NT5E: variants seen among roughly 807,000 people sequenced by gnomAD.
NT5E encodes the protein 5'-nucleotidase.
A neutral mutation model predicts 55.1 loss-of-function variants in NT5E; 53 were observed. The observed-to-expected ratio is 0.96, with a 90% CI of 0.77 to 1.21. The LOEUF (loss-of-function observed/expected upper bound fraction) is 1.21. Among genes scored for constraint, NT5E ranks in the 50% most tolerant of loss-of-function variants. NT5E has a pLI of 0.00. For synonymous variants in NT5E, 270 were observed against 278.4 expected, an observed-to-expected ratio of 0.97 and a Z score of 0.30; for missense variants, 683 against 724.3, an observed-to-expected ratio of 0.94 and a Z score of 0.65.
chr6:85,451,417 A>T (rs1768854912), intron 1 of NT5E, among the ~76,000 whole-genome samples: 1 of 152,184 alleles, frequency 6.6e-6, no homozygotes. Context: ...GTTAAAGGTA[A>T]TGCCTTTTCT....
intron 1 of NT5E, among the ~76,000 whole-genome samples, chr6:85,463,321 T>C (rs1769129482): frequency 6.6e-6 from 1 of 152,172 alleles, no homozygotes; most frequent in Non-Finnish European, 1.5e-5. Context: ...GGTTCGTGAA[T>C]GAATGAGCTC....
chr6:85,485,395 T>C lies in NT5E; in HGVS notation c.912T>C (p.His304=). The C allele has an allele frequency of 6.2e-7, 1 of 1,614,232 alleles. No individual in the cohort carries two copies. The highest frequency in any genetic ancestry group is 1.1e-5 in the South Asian group (1 of 91,088). ...FDERGNVISS[H]GNPILLNSSI... is the part of the protein sequence containing the mutation. Reference sequence around the variant, plus strand: ...AAAGAGGAAACGTCATCTCTTCCCATGGAAATCCCATTCTTCTAAACAGCA... The same window carrying C: ...AAAGAGGAAACGTCATCTCTTCCCACGGAAATCCCATTCTTCTAAACAGCA... The change falls in exon 4 of 9, where the codon CAT becomes CAC. Residue 304 remains histidine, a synonymous_variant. Transcript: ENST00000257770.
intron 3 of NT5E, among the ~76,000 whole-genome samples, chr6:85,477,260 AGG>A (rs1769457521): frequency 6.6e-6 from 1 of 151,150 alleles, no homozygotes; most frequent in Non-Finnish European, 1.5e-5. Context: ...CATGGAAGGC[AGG>A]TGTCTGGTAT....
Position 85,476,775 on chromosome 6 carries a change from G to C in NT5E, c.751+5350G>C, listed in dbSNP as rs576281076. On this transcript the variant is annotated intron_variant, in intron 3 of 8. Transcript: ENST00000257770. Reference sequence around the variant, plus strand: ...CATCCCCAGCTGAACTCTTCTCCGAGGTCCTACCGTCAAGCCATCCCTCTG... The same window carrying C: ...CATCCCCAGCTGAACTCTTCTCCGACGTCCTACCGTCAAGCCATCCCTCTG... 2.6e-3 allele frequency among the ~76,000 whole-genome samples: 396 copies of C among 152,266 alleles called. 2 individuals are homozygous for C. The highest frequency in any genetic ancestry group is 8.0e-3 in the African/African-American group (334 of 41,546).
chr6:85,465,409 G>A (rs2127756222), intron 1 of NT5E, among the ~76,000 whole-genome samples: 1 of 152,202 alleles, frequency 6.6e-6, no homozygotes, highest in Non-Finnish European at 1.5e-5. Context: ...CTATAACAAG[G>A]GAGACTTATT....
In NT5E at chr6:85,492,104, C is replaced by T. The variant is rs1264749115; in HGVS notation, c.1488C>T (p.Ile496=). 1.2e-6 allele frequency: 2 copies of T among 1,614,006 alleles called. No individual in the cohort carries two copies. Among genetic ancestry groups the T allele is most frequent in the East Asian group, 2.2e-5 (1 of 44,900 alleles). Residue 496 remains isoleucine (I), a synonymous_variant, in exon 8 of 9, where the codon ATC becomes ATT. Coordinates refer to ENST00000257770, the MANE Select transcript of NT5E (RefSeq NM_002526.4). The part of the protein sequence containing the change: ...PLKMDEVYKV[I]LPNFLANGGD... ...AAATGGACGAGGTATATAAGGTGAT[C>T]CTCCCAAACTTCCTGGCCAATGGTG...
intron 2 of NT5E, among the ~76,000 whole-genome samples, chr6:85,469,239 G>C (rs1190142964): frequency 6.6e-6 from 1 of 152,182 alleles, no homozygotes; most frequent in Non-Finnish European, 1.5e-5. Flanking sequence ...TGAGGTTTCT[G>C]ATATAATAGA....
At chr6:85,458,700 G>A (rs1769034387) in intron 1 of NT5E, among the ~76,000 whole-genome samples, 1 of 152,146 alleles carries the variant, frequency 6.6e-6, no homozygotes, top group Admixed American at 6.5e-5. Flanking sequence ...AATATTAGCT[G>A]GAGCCCTCTA....
chr6:85,471,188 A>G (rs1420948224), intron 2 of NT5E, 49 bp from the exon 3 acceptor site: 6 of 1,271,414 alleles, frequency 4.7e-6, no homozygotes, highest in Non-Finnish European at 6.6e-6. Context: ...ATTAAGTAAT[A>G]TAATAAAAAT....
chr6:85,452,505 T>A (rs571502964), intron 1 of NT5E, among the ~76,000 whole-genome samples: 1 of 152,192 alleles, frequency 6.6e-6, no homozygotes, highest in Non-Finnish European at 1.5e-5. Flanking sequence ...TTACTTTCTT[T>A]CAAATTTTGC....
chr6:85,462,106 C>T (rs538302252), intron 1 of NT5E, among the ~76,000 whole-genome samples: 1 of 152,174 alleles, frequency 6.6e-6, no homozygotes, highest in Non-Finnish European at 1.5e-5. Context: ...CTGCACTGTC[C>T]CCTCAGTGTC....
intron 1 of NT5E, among the ~76,000 whole-genome samples, chr6:85,457,443 C>T (rs1769010566): frequency 6.6e-6 from 1 of 152,316 alleles, no homozygotes; most frequent in Non-Finnish European, 1.5e-5. Context: ...TCTCTTGCTT[C>T]TAATCTGCCT....
intron 2 of NT5E, among the ~76,000 whole-genome samples, chr6:85,468,301 G>T (rs1769235422): frequency 6.6e-6 from 1 of 152,202 alleles, no homozygotes. Context: ...TGGAGGCAGG[G>T]TGGAGCGGCT....
intron 3 of NT5E, among the ~76,000 whole-genome samples, chr6:85,475,650 G>T (rs1445911341): frequency 6.6e-6 from 1 of 152,204 alleles, no homozygotes; most frequent in Non-Finnish European, 1.5e-5. Context: ...CCTGCAGCAG[G>T]TACAACAGGG....
In NT5E at chr6:85,472,113, C is replaced by T. The variant is rs150053400; in HGVS notation, c.751+688C>T. Among the ~76,000 whole-genome samples the T allele has an allele frequency of 9.2e-5, 14 of 152,332 alleles. No homozygotes were observed. The East Asian group carries it at 2.7e-3, about 29-fold the overall frequency. On this transcript the variant is annotated intron_variant, in intron 3 of 8. Coordinates refer to ENST00000257770, the MANE Select transcript of NT5E (RefSeq NM_002526.4). ...CCCAAAACTTTTGAATCTGGTTCCACCTTTCCCACTTCCCCCACCTTGCAC... is the reference window on the plus strand; with the variant it reads ...CCCAAAACTTTTGAATCTGGTTCCATCTTTCCCACTTCCCCCACCTTGCAC...
chr6:85,476,332 A>AG (rs1769435304), intron 3 of NT5E, among the ~76,000 whole-genome samples: 1 of 152,190 alleles, frequency 6.6e-6, no homozygotes, highest in Non-Finnish European at 1.5e-5. Flanking sequence ...GGACTCATGA[A>AG]GGGGTTGTCT....
At chr6:85,492,393 A>G (rs548087017) in intron 8 of NT5E, among the ~76,000 whole-genome samples, 3 of 152,358 alleles carry the variant, frequency 2.0e-5, no homozygotes, top group Non-Finnish European at 4.4e-5. Context: ...CAGAGACAAA[A>G]CATTTGTAAA....
intron 6 of NT5E, among the ~76,000 whole-genome samples, chr6:85,489,890 C>A (rs1280920683): frequency 2.0e-5 from 3 of 152,180 alleles, no homozygotes; most frequent in Non-Finnish European, 2.9e-5. Context: ...CAAAGCTATA[C>A]TAGTTGTTTC....
chr6:85,467,292 A>G lies in NT5E; in HGVS notation c.562+10A>G. On this transcript the variant is annotated intron_variant, in intron 2 of 8. Coordinates refer to ENST00000257770, the MANE Select transcript of NT5E (RefSeq NM_002526.4). ...TTTCTCTCAAATCCAGGTATTTTCTACTTTTATAGCACTCAATGCTTGAAA... is the reference window on the plus strand; with the variant it reads ...TTTCTCTCAAATCCAGGTATTTTCTGCTTTTATAGCACTCAATGCTTGAAA... 6.2e-7 allele frequency: 1 copy of G among 1,606,974 alleles called. No individual in the cohort carries two copies. The highest frequency in any genetic ancestry group is 8.5e-7 in the Non-Finnish European group (1 of 1,173,672).
Sources: gnomAD v4.1 joint callset for allele counts (sites outside exome capture counted in the v4.1 genomes callset) on GRCh38, gnomAD v4.1.1 for gene constraint, MANE v1.5 for transcripts, NCBI Gene and HGNC (gene_info 2026-07-23, HGNC 2026-07-21) for gene names.